The following THSD7A variants were observed in gnomAD, a reference collection of about 807,000 sequenced individuals.
THSD7A encodes the protein thrombospondin type 1 domain containing 7A, also known as thrombospondin type-1 domain-containing protein 7A.
Under a neutral mutation model 231.3 loss-of-function variants are expected in THSD7A, and 96 were observed. That is an observed-to-expected ratio of 0.41 (90% CI 0.35 to 0.49). The LOEUF (loss-of-function observed/expected upper bound fraction) is 0.49. THSD7A is among the 20% of genes least tolerant of loss of function. The pLI, the probability that THSD7A is intolerant of heterozygous loss-of-function variation, is 0.05. For missense variants in THSD7A, 2,290 were observed against 2,070.2 expected, an observed-to-expected ratio of 1.11 and a Z score of -2.06; for synonymous variants, 940 against 743.3, an observed-to-expected ratio of 1.26 and a Z score of -4.30.
chr7:11,470,011 G>C lies in THSD7A; in HGVS notation c.2253-17C>G. The stretch of plus-strand genomic sequence containing the variant: ...TCAGGACATCTAGAAAGGCAAAGGG[G>C]AATTATTAGGCTTCAATAGTAAAGC... On this transcript the variant is annotated splice_polypyrimidine_tract_variant and intron_variant, in intron 8 of 27. Transcript: ENST00000423059. 1 of 1,487,186 alleles carries C rather than the reference G, an allele frequency of 6.7e-7. No individual in the cohort carries two copies. The highest frequency in any genetic ancestry group is 2.4e-5 in the East Asian group (1 of 42,286). 92.1% of individuals were successfully genotyped at this position (1,487,186 alleles called of 1,614,324 possible).
intron 1 of THSD7A, among the ~76,000 whole-genome samples, chr7:11,810,262 T>C (rs1784496180): frequency 6.6e-6 from 1 of 152,176 alleles, no homozygotes; most frequent in East Asian, 1.9e-4. Flanking sequence ...TAGCTGTCTC[T>C]GTGCCTTCGC....
intron 2 of THSD7A, among the ~76,000 whole-genome samples, chr7:11,608,993 T>C (rs1780830979): frequency 6.6e-6 from 1 of 152,170 alleles, no homozygotes. Flanking sequence ...CCATTTCCAA[T>C]TTTATAGCTC....
intron 6 of THSD7A, among the ~76,000 whole-genome samples, chr7:11,528,965 A>G (rs2128318669): frequency 6.6e-6 from 1 of 152,286 alleles, no homozygotes; most frequent in East Asian, 1.9e-4. Context: ...TTCTACAGCA[A>G]TATTCCCTGA....
At chr7:11,723,115 G>A (rs1368777725) in intron 1 of THSD7A, among the ~76,000 whole-genome samples, 2 of 151,958 alleles carry the variant, frequency 1.3e-5, no homozygotes, top group Non-Finnish European at 2.9e-5. Context: ...AAGAAATGTG[G>A]CACATATACA....
intron 6 of THSD7A, among the ~76,000 whole-genome samples, chr7:11,499,703 C>G (rs1038137653): frequency 6.6e-6 from 1 of 152,116 alleles, no homozygotes; most frequent in East Asian, 1.9e-4. Context: ...ATAAAACAAG[C>G]TGAGAAAAGA....
chr7:11,801,661 C>T (rs183304306), intron 1 of THSD7A, among the ~76,000 whole-genome samples: 1 of 151,816 alleles, frequency 6.6e-6, no homozygotes, highest in African/African-American at 2.4e-5. Context: ...TCCAAAAGAA[C>T]TGGAAAAAAA....
At chr7:11,757,936 A>G (rs953911666) in intron 1 of THSD7A, among the ~76,000 whole-genome samples, 8 of 150,182 alleles carry the variant, frequency 5.3e-5, no homozygotes. Flanking sequence ...TAATAATAAT[A>G]ATGATTATAA....
At chr7:11,734,665 C>G (rs1781846733) in intron 1 of THSD7A, among the ~76,000 whole-genome samples, 1 of 151,816 alleles carries the variant, frequency 6.6e-6, no homozygotes, top group African/African-American at 2.4e-5. Context: ...CCTTATTTTG[C>G]TACTATTATT....
At chr7:11,493,194 C>T (rs902640762) in intron 6 of THSD7A, among the ~76,000 whole-genome samples, 1 of 152,018 alleles carries the variant, frequency 6.6e-6, no homozygotes, top group Non-Finnish European at 1.5e-5. Context: ...TTAATCAAAC[C>T]AAATCAAATC....
intron 1 of THSD7A, among the ~76,000 whole-genome samples, chr7:11,681,879 A>G (rs1034761262): frequency 6.6e-6 from 1 of 152,048 alleles, no homozygotes; most frequent in Admixed American, 6.6e-5. Flanking sequence ...ATTACCTATA[A>G]AGGGCATCAC....
At chr7:11,621,700 T>C (rs934745305) in intron 2 of THSD7A, among the ~76,000 whole-genome samples, 2 of 152,094 alleles carry the variant, frequency 1.3e-5, no homozygotes, top group Non-Finnish European at 2.9e-5. Flanking sequence ...TTCCGTGTCT[T>C]ACTAGTTAGG....
chr7:11,633,039 A>G (rs556716697), intron 2 of THSD7A, among the ~76,000 whole-genome samples: 2 of 152,070 alleles, frequency 1.3e-5, no homozygotes, highest in African/African-American at 4.8e-5. Flanking sequence ...ATATTTTTCC[A>G]TTTTTTATTG....
intron 1 of THSD7A, among the ~76,000 whole-genome samples, chr7:11,648,637 C>CGTGT (rs3031455): frequency 0.011 from 1,510 of 141,118 alleles, 28 homozygotes; most frequent in African/African-American, 0.034. Flanking sequence ...TATTTTGTGG[C>CGTGT]GTGTGTGTGT....
intron 6 of THSD7A, among the ~76,000 whole-genome samples, chr7:11,505,162 T>G (rs1462359285): frequency 6.6e-6 from 1 of 152,144 alleles, no homozygotes; most frequent in African/African-American, 2.4e-5. Flanking sequence ...AAAAACTAAA[T>G]TATGTTTTGA....
intron 4 of THSD7A, among the ~76,000 whole-genome samples, chr7:11,582,372 T>C (rs958223916): frequency 2.0e-5 from 3 of 151,946 alleles, no homozygotes; most frequent in Non-Finnish European, 4.4e-5. Flanking sequence ...AATAGAAGGG[T>C]GTTCAATATT....
At chr7:11,623,762 A>G (rs1238578029) in intron 2 of THSD7A, among the ~76,000 whole-genome samples, 3 of 152,150 alleles carry the variant, frequency 2.0e-5, no homozygotes, top group Non-Finnish European at 4.4e-5. Flanking sequence ...AGGTTGAACA[A>G]GGAATAGAAG....
At chr7:11,622,550 GTGTTA>G (rs1781347586) in intron 2 of THSD7A, among the ~76,000 whole-genome samples, 1 of 152,006 alleles carries the variant, frequency 6.6e-6, no homozygotes, top group Admixed American at 6.6e-5. Flanking sequence ...TCTGATGCTG[GTGTTA>G]TGTCATATCA....
intron 1 of THSD7A, among the ~76,000 whole-genome samples, chr7:11,765,158 T>C (rs778532638): frequency 6.6e-6 from 1 of 152,148 alleles, no homozygotes; most frequent in Non-Finnish European, 1.5e-5. Context: ...TAGAAAAATA[T>C]AGGTTCATTC....
In THSD7A at chr7:11,801,715, T is replaced by G. The variant is rs6949236; in HGVS notation, c.190+30042A>C. Among the ~76,000 whole-genome samples the G allele has an allele frequency of 1.4e-3, 220 of 152,126 alleles. 1 individual carries two copies. Among genetic ancestry groups the G allele is most frequent in the African/African-American group, 5.0e-3 (209 of 41,500 alleles). ...ATGTGGAAAATGAGTAGCTTGAAAG[T>G]AAAGCCAAACAACAACAAAAACAAT... On this transcript the variant is annotated intron_variant, in intron 1 of 27. Coordinates refer to ENST00000423059, the MANE Select transcript of THSD7A (RefSeq NM_015204.3).
Sources: gnomAD v4.1 joint callset for allele counts (sites outside exome capture counted in the v4.1 genomes callset) on GRCh38, gnomAD v4.1.1 for gene constraint, MANE v1.5 for transcripts, NCBI Gene and HGNC (gene_info 2026-07-23, HGNC 2026-07-21) for gene names.